GPR158: variants seen among roughly 807,000 people sequenced by gnomAD.
The protein encoded by GPR158 is metabotropic glycine receptor.
In GPR158, 30 loss-of-function variants were observed where a neutral mutation model predicts 78.2. That is an observed-to-expected ratio of 0.38 (90% CI 0.29 to 0.52). The LOEUF (loss-of-function observed/expected upper bound fraction) is 0.52. Among genes scored for constraint, GPR158 ranks in the 20% least tolerant of loss-of-function variants. The probability of loss-of-function intolerance (pLI) is 0.83; values close to 1 mark genes in which losing one functional copy is unlikely to be tolerated. For synonymous variants in GPR158, 581 were observed against 591.1 expected (o/e 0.98, Z 0.25); for missense variants, 1,463 against 1,523.5 (o/e 0.96, Z 0.66).
chr10:25,248,794 G>C (rs1017508667), intron 2 of GPR158, among the ~76,000 whole-genome samples: 37 of 151,190 alleles, frequency 2.4e-4, no homozygotes, highest in South Asian at 6.3e-4. Context: ...ACTTGGCGAT[G>C]TGGGCTCTTT....
intron 7 of GPR158, among the ~76,000 whole-genome samples, chr10:25,588,505 G>A (rs1462322598): frequency 1.3e-5 from 2 of 152,166 alleles, no homozygotes; most frequent in African/African-American, 4.8e-5. Flanking sequence ...GCCACTGAAT[G>A]TTTAGCAACC....
intron 5 of GPR158, among the ~76,000 whole-genome samples, chr10:25,485,182 T>A (rs1835718241): frequency 1.3e-5 from 2 of 152,016 alleles, no homozygotes; most frequent in Non-Finnish European, 1.5e-5. Context: ...TCAAAGATAT[T>A]GGAAAAAATT....
At chr10:25,206,164 T>C (rs887578753) in intron 1 of GPR158, among the ~76,000 whole-genome samples, 3 of 152,002 alleles carry the variant, frequency 2.0e-5, no homozygotes, top group African/African-American at 7.3e-5. Context: ...TTTTTGTATT[T>C]TTTTAGTAGA....
At chr10:25,550,723 G>A (rs1191770877) in intron 5 of GPR158, among the ~76,000 whole-genome samples, 1 of 152,016 alleles carries the variant, frequency 6.6e-6, no homozygotes, top group African/African-American at 2.4e-5. Flanking sequence ...TTAACATTAG[G>A]TATATCTGCT....
intron 2 of GPR158, among the ~76,000 whole-genome samples, chr10:25,231,248 T>G (rs1853443967): frequency 6.6e-6 from 1 of 152,196 alleles, no homozygotes; most frequent in Non-Finnish European, 1.5e-5. Context: ...TGATACATTT[T>G]GATGAAAGTG....
rs752744699 is a variant in GPR158, at chr10:25,205,813, G to GT, written c.903-15229dup. 1.1e-3 allele frequency among the ~76,000 whole-genome samples: 168 copies of GT among 148,396 alleles called. 1 individual carries two copies. Among genetic ancestry groups the GT allele is most frequent in the Middle Eastern group, 3.5e-3 (1 of 284 alleles). ...TGAGAGTGTGTTTGGTATCATTTTAGTTTTTTTTTTAATTTGCTGAGGGTT... is the reference window on the plus strand; with the variant it reads ...TGAGAGTGTGTTTGGTATCATTTTAGTTTTTTTTTTTAATTTGCTGAGGGTT... On this transcript the variant is annotated intron_variant, in intron 1 of 10. Transcript: ENST00000376351.
At chr10:25,544,351 C>T (rs1183132644) in intron 5 of GPR158, among the ~76,000 whole-genome samples, 2 of 151,610 alleles carry the variant, frequency 1.3e-5, no homozygotes, top group African/African-American at 4.9e-5. Flanking sequence ...AGTAAAGGAA[C>T]TTCTTATGGG....
At chr10:25,541,686 C>T (rs918925986) in intron 5 of GPR158, among the ~76,000 whole-genome samples, 2 of 151,704 alleles carry the variant, frequency 1.3e-5, no homozygotes, top group Non-Finnish European at 1.5e-5. Flanking sequence ...CTTCAATGAA[C>T]GTGGCTCTGG....
chr10:25,552,572 T>C (rs1336861756), intron 6 of GPR158, among the ~76,000 whole-genome samples: 2 of 152,178 alleles, frequency 1.3e-5, no homozygotes, highest in Non-Finnish European at 2.9e-5. Context: ...TCATTTACTT[T>C]CTCCTTGTAG....
At position 25,598,363 on chromosome 10, in the gene GPR158, A is replaced by T. The variant is rs756655805; in HGVS notation, c.2737A>T (p.Thr913Ser). Residue 913 changes from threonine to serine, a missense_variant, in exon 11 of 11, where the codon ACT becomes TCT. Coordinates refer to ENST00000376351, the MANE Select transcript of GPR158 (RefSeq NM_020752.3). Reference protein sequence around the residue: ...LSVIASAKEKTLGLAGKTQTA... With the variant: ...LSVIASAKEKSLGLAGKTQTA... The stretch of plus-strand genomic sequence containing the variant: ...TGTCATAGCAAGCGCCAAGGAGAAG[A>T]CTCTTGGATTAGCTGGGAAAACCCA... 1.2e-6 allele frequency: 2 copies of T among 1,613,966 alleles called. No individual in the cohort carries two copies. Among genetic ancestry groups the T allele is most frequent in the South Asian group, 2.2e-5 (2 of 91,064 alleles).
chr10:25,579,981 A>AAATT (rs1156278693), intron 7 of GPR158, among the ~76,000 whole-genome samples: 6 of 152,186 alleles, frequency 3.9e-5, no homozygotes, highest in African/African-American at 1.2e-4. Context: ...ATCCTGTTAT[A>AAATT]AATTAAGTTC....
chr10:25,575,321 G>T (rs1277876866), intron 7 of GPR158, among the ~76,000 whole-genome samples: 1 of 152,110 alleles, frequency 6.6e-6, no homozygotes, highest in Non-Finnish European at 1.5e-5. Context: ...TGACTATAAG[G>T]ATGTATTTTG....
chr10:25,503,781 G>A (rs1835974214), intron 5 of GPR158, among the ~76,000 whole-genome samples: 1 of 151,914 alleles, frequency 6.6e-6, no homozygotes, highest in Admixed American at 6.6e-5. Context: ...TCTCACTGTT[G>A]TGTTCTCTCT....
intron 2 of GPR158, among the ~76,000 whole-genome samples, chr10:25,389,021 G>A (rs1412169392): frequency 6.6e-6 from 1 of 152,222 alleles, no homozygotes; most frequent in African/African-American, 2.4e-5. Context: ...TGGGAGGGAG[G>A]CCCAGTGGGT....
At chr10:25,370,180 T>G (rs1833964426) in intron 2 of GPR158, among the ~76,000 whole-genome samples, 1 of 144,284 alleles carries the variant, frequency 6.9e-6, no homozygotes, top group African/African-American at 2.5e-5. Context: ...AGTTCTGCTC[T>G]GATTTTAGTT....
intron 2 of GPR158, among the ~76,000 whole-genome samples, chr10:25,356,880 T>G (rs71495435): frequency 0.1 from 15,160 of 151,800 alleles, 1,860 homozygotes; most frequent in African/African-American, 0.3. Flanking sequence ...ACAGGCAGAG[T>G]TTGGATCAGT....
chr10:25,249,164 C>A lies in GPR158; in HGVS notation c.1008+28007C>A, dbSNP rs12784401. 3.9e-4 allele frequency among the ~76,000 whole-genome samples: 59 copies of A among 152,140 alleles called. No individual in the cohort carries two copies. In the South Asian group the frequency reaches 4.4e-3, roughly 11 times the overall value. Reference sequence around the variant, plus strand: ...TGTGATTTTTGTACATTGATTTTGTCTCCTGAGACTTTGCTGAAGTTGCTT... The same window carrying A: ...TGTGATTTTTGTACATTGATTTTGTATCCTGAGACTTTGCTGAAGTTGCTT... On this transcript the variant is annotated intron_variant, in intron 2 of 10. Coordinates refer to ENST00000376351, the MANE Select transcript of GPR158 (RefSeq NM_020752.3).
At chr10:25,242,674 T>C (rs991290901) in intron 2 of GPR158, among the ~76,000 whole-genome samples, 6 of 152,214 alleles carry the variant, frequency 3.9e-5, no homozygotes, top group African/African-American at 1.4e-4. Flanking sequence ...TTTCCTTTAT[T>C]TAAGATTAAT....
chr10:25,441,491 A>G (rs1835067386), intron 4 of GPR158, among the ~76,000 whole-genome samples: 1 of 152,152 alleles, frequency 6.6e-6, no homozygotes, highest in African/African-American at 2.4e-5. Context: ...GCTCTTTCCA[A>G]TGAAGTCTCA....
Sources: allele counts gnomAD v4.1 joint callset (sites outside exome capture counted in the v4.1 genomes callset), GRCh38; gene constraint gnomAD v4.1.1; transcripts MANE v1.5; gene names NCBI Gene and HGNC (gene_info 2026-07-23, HGNC 2026-07-21).